The following UBAP2 variants were observed in gnomAD, a reference collection of about 807,000 sequenced individuals.
The protein encoded by UBAP2 is ubiquitin-associated protein 2.
Under a neutral mutation model 139.6 loss-of-function variants are expected in UBAP2, and 75 were observed. That is an observed-to-expected ratio of 0.54 (90% CI 0.45 to 0.65). UBAP2 has a LOEUF of 0.65. Among genes scored for constraint, UBAP2 ranks in the 30% least tolerant of loss-of-function variants. The pLI, the probability that UBAP2 is intolerant of heterozygous loss-of-function variation, is 0.00. For synonymous variants in UBAP2, 526 were observed against 526.2 expected (o/e 1.00, Z 0.01); for missense variants, 1,368 against 1,369.6 (o/e 1.00, Z 0.02).
At chr9:34,046,341 GC>G (rs972276140) in intron 1 of UBAP2, among the ~76,000 whole-genome samples, 26 of 143,460 alleles carry the variant, frequency 1.8e-4, no homozygotes, top group Admixed American at 4.5e-4. Context: ...ACAATTCAAA[GC>G]TAACATTTTA....
chr9:33,977,816 C>G (rs1473213815), intron 6 of UBAP2, among the ~76,000 whole-genome samples: 4 of 151,698 alleles, frequency 2.6e-5, no homozygotes, highest in African/African-American at 7.3e-5. Flanking sequence ...GTGTGCATCA[C>G]CATGCCTGGA....
intron 10 of UBAP2, among the ~76,000 whole-genome samples, chr9:33,960,513 C>T (rs925268447): frequency 1.1e-4 from 17 of 152,072 alleles, no homozygotes; most frequent in African/African-American, 4.1e-4. Flanking sequence ...CAGTGTCTCA[C>T]GCCTATAATC....
At chr9:33,977,649 T>C (rs772462393) in intron 6 of UBAP2, among the ~76,000 whole-genome samples, 29 of 151,720 alleles carry the variant, frequency 1.9e-4, no homozygotes, top group Non-Finnish European at 4.1e-4. Flanking sequence ...TACATCTCTG[T>C]TGAATGATTG....
At position 34,046,061 on chromosome 9, in the gene UBAP2, G is replaced by GCTCCATTTA. The variant is rs139962175; in HGVS notation, c.-42+2755_-42+2763dup. On this transcript the variant is annotated intron_variant, in intron 1 of 28. Transcript: ENST00000379238. ...CATTTACTCAAAATAACAACTAAGA[G>GCTCCATTTA]CTCCATTTACTCAAAATAACAACTA... 3.4e-3 allele frequency among the ~76,000 whole-genome samples: 515 copies of GCTCCATTTA among 152,166 alleles called. 5 individuals are homozygous for GCTCCATTTA. The highest frequency in any genetic ancestry group is 0.012 in the African/African-American group (483 of 41,542).
intron 7 of UBAP2, among the ~76,000 whole-genome samples, chr9:33,972,572 C>T (rs867459019): frequency 9.9e-5 from 15 of 152,140 alleles, no homozygotes; most frequent in African/African-American, 2.9e-4. Context: ...ACTGCATCTA[C>T]GTATGGCTTC....
At chr9:34,025,952 C>G (rs1760822) in intron 1 of UBAP2, among the ~76,000 whole-genome samples, 59,740 of 152,006 alleles carry the variant, frequency 0.39, 11,814 homozygotes, top group Middle Eastern at 0.48. Flanking sequence ...TTCAAGTGAT[C>G]TCAGTTTAGA....
chr9:34,021,606 T>C (rs1405913916), intron 1 of UBAP2, among the ~76,000 whole-genome samples: 1 of 151,644 alleles, frequency 6.6e-6, no homozygotes, highest in East Asian at 2.0e-4. Flanking sequence ...GTAAGGCATA[T>C]CTGTATTTGA....
intron 2 of UBAP2, among the ~76,000 whole-genome samples, chr9:34,016,122 G>T (rs1261258882): frequency 6.6e-6 from 1 of 151,774 alleles, no homozygotes; most frequent in Non-Finnish European, 1.5e-5. Flanking sequence ...GAAGCAGCAG[G>T]GAAGGAGGAG....
intron 2 of UBAP2, among the ~76,000 whole-genome samples, chr9:34,013,378 C>T (rs10971849): frequency 0.079 from 11,965 of 151,836 alleles, 674 homozygotes; most frequent in Non-Finnish European, 0.12. Flanking sequence ...GGTGAAACCC[C>T]GTCTCTACCA....
intron 1 of UBAP2, among the ~76,000 whole-genome samples, chr9:34,033,952 T>A (rs911973667): frequency 2.6e-5 from 4 of 152,058 alleles, no homozygotes; most frequent in Non-Finnish European, 5.9e-5. Flanking sequence ...GCCAAGCTGT[T>A]CTTGAACTCC....
At chr9:34,028,984 C>T (rs1326806174) in intron 1 of UBAP2, among the ~76,000 whole-genome samples, 1 of 151,906 alleles carries the variant, frequency 6.6e-6, no homozygotes, top group Non-Finnish European at 1.5e-5. Context: ...CGCTTGGTGG[C>T]GCACACCTGG....
In UBAP2 at chr9:33,996,141, A is replaced by T. The variant is rs1256248535; in HGVS notation, c.288+82T>A. On this transcript the variant is annotated intron_variant, in intron 4 of 28. Coordinates refer to ENST00000379238, the MANE Select transcript of UBAP2 (RefSeq NM_001370062.2). ...TGGCACCATAATCCATTCCATCCCT[A>T]CCCCCAAACAAGGTGAAGTTGAAAA... is the stretch of plus-strand genomic sequence containing the variant. 4 of 1,029,816 alleles carry T rather than the reference A, an allele frequency of 3.9e-6. No homozygotes were observed. In the East Asian group the frequency reaches 9.7e-5, roughly 25 times the overall value. The allele number at this position is 1,029,816 out of a possible 1,614,324, so 63.8% of individuals were successfully genotyped here.
chr9:33,962,679 A>ATT (rs199757356), intron 9 of UBAP2, among the ~76,000 whole-genome samples: 19,684 of 146,448 alleles, frequency 0.13, 1,552 homozygotes, highest in East Asian at 0.3. Flanking sequence ...TAAATAAATA[A>ATT]ATAATTAAAA....
At chr9:34,023,324 A>G (rs1825125568) in intron 1 of UBAP2, among the ~76,000 whole-genome samples, 1 of 152,228 alleles carries the variant, frequency 6.6e-6, no homozygotes, top group Non-Finnish European at 1.5e-5. Flanking sequence ...GTACAGAAGA[A>G]ATATACTTAA....
At chr9:33,976,505 G>A (rs1391499253) in intron 6 of UBAP2, among the ~76,000 whole-genome samples, 6 of 152,186 alleles carry the variant, frequency 3.9e-5, no homozygotes, top group East Asian at 1.9e-4. Context: ...ACAGAAAGGC[G>A]ATTACTGGTG....
intron 9 of UBAP2, among the ~76,000 whole-genome samples, chr9:33,962,134 A>G (rs1827093502): frequency 1.3e-5 from 2 of 152,374 alleles, no homozygotes; most frequent in South Asian, 4.1e-4. Context: ...AGGGATATAA[A>G]GGAAAATTTC....
chr9:33,943,579 GAAGCTGGGATCTGAAA>G lies in UBAP2; in HGVS notation c.1546-6_1555del. 1 of 1,614,056 alleles carries G rather than the reference GAAGCTGGGATCTGAAA, an allele frequency of 6.2e-7. No homozygotes were observed. Among genetic ancestry groups the G allele is most frequent in the Non-Finnish European group, 8.5e-7 (1 of 1,180,000 alleles). On this transcript the variant is annotated splice_acceptor_variant and splice_polypyrimidine_tract_variant and coding_sequence_variant and intron_variant, in exon 15 of 29. Coordinates refer to ENST00000379238, the MANE Select transcript of UBAP2 (RefSeq NM_001370062.2). LOFTEE classifies it high-confidence loss of function. ...TGCTGAACCAGGCATTTCCACTGCAGAAGCTGGGATCTGAAAAAGCAAAGCTGTCGTGTCAGGAACA... is the reference window on the plus strand; with the variant it reads ...TGCTGAACCAGGCATTTCCACTGCAGAAGCAAAGCTGTCGTGTCAGGAACA...
intron 2 of UBAP2, among the ~76,000 whole-genome samples, chr9:34,008,435 A>G (rs1823430641): frequency 6.6e-6 from 1 of 151,998 alleles, no homozygotes. Context: ...AAGACATAAC[A>G]CAAAAGAAGT....
At chr9:34,018,448 C>A (rs1449118014) in intron 1 of UBAP2, among the ~76,000 whole-genome samples, 13 of 150,766 alleles carry the variant, frequency 8.6e-5, no homozygotes. Flanking sequence ...AATGGTGGTT[C>A]CTTAAAAAAA....
Sources: allele counts gnomAD v4.1 joint callset (sites outside exome capture counted in the v4.1 genomes callset), GRCh38; gene constraint gnomAD v4.1.1; transcripts MANE v1.5; gene names NCBI Gene and HGNC (gene_info 2026-07-23, HGNC 2026-07-21).